RBPMS: variants seen among roughly 807,000 people sequenced by gnomAD.
RBPMS encodes the protein RNA-binding protein with multiple splicing.
In RBPMS, 7 loss-of-function variants were observed where a neutral mutation model predicts 26.8. The observed-to-expected ratio is 0.26, with a 90% CI of 0.15 to 0.49. The LOEUF (loss-of-function observed/expected upper bound fraction) is 0.49. Among genes scored for constraint, RBPMS ranks in the 20% least tolerant of loss-of-function variants. RBPMS has a pLI of 0.98. For synonymous variants in RBPMS, 96 were observed against 93.3 expected (o/e 1.03, Z -0.17); for missense variants, 186 against 250.0 (o/e 0.74, Z 1.73).
chr8:30,495,750 G>T (rs1257796547), intron 4 of RBPMS, among the ~76,000 whole-genome samples: 1 of 152,198 alleles, frequency 6.6e-6, no homozygotes, highest in African/African-American at 2.4e-5. Context: ...ATGAAATACG[G>T]TTTACATCTG....
intron 1 of RBPMS, among the ~76,000 whole-genome samples, chr8:30,451,659 C>G (rs1814604359): frequency 6.6e-6 from 1 of 152,068 alleles, no homozygotes; most frequent in Non-Finnish European, 1.5e-5. Context: ...TCCCAGCAGG[C>G]AACAGTCTGT....
At chr8:30,518,715 T>TTTTTTTTTTTTC (rs1554533805) in intron 5 of RBPMS, among the ~76,000 whole-genome samples, 28 of 129,970 alleles carry the variant, frequency 2.2e-4, no homozygotes, top group African/African-American at 8.4e-4. Flanking sequence ...TTTTTTTTTT[T>TTTTTTTTTTTTC]CTGAAAAGGA....
At chr8:30,439,901 C>T (rs1812882198) in intron 1 of RBPMS, among the ~76,000 whole-genome samples, 1 of 152,066 alleles carries the variant, frequency 6.6e-6, no homozygotes, top group South Asian at 2.1e-4. Context: ...AAATTAAAGC[C>T]AGGTGCAGTG....
At chr8:30,477,952 A>C (rs1348328405) in intron 3 of RBPMS, 115 bp downstream of exon 3, 1 of 719,240 alleles carries the variant, frequency 1.4e-6, no homozygotes, top group East Asian at 2.6e-5. Context: ...TTTTGTCTTT[A>C]AAATTAAAAG....
intron 8 of RBPMS, among the ~76,000 whole-genome samples, chr8:30,568,682 C>G (rs1828061317): frequency 6.6e-6 from 1 of 152,174 alleles, no homozygotes. Flanking sequence ...TTATGCGTTC[C>G]CAACCCTGAC....
At chr8:30,526,088 T>TTGTA (rs1422349684) in intron 5 of RBPMS, among the ~76,000 whole-genome samples, 2 of 152,212 alleles carry the variant, frequency 1.3e-5, no homozygotes, top group African/African-American at 4.8e-5. Context: ...ACTTCCTACT[T>TTGTA]TGTAGAGTCC....
Position 30,454,217 on chromosome 8 carries a change from A to G in RBPMS, c.67-20562A>G, listed in dbSNP as rs577243259. On this transcript the variant is annotated intron_variant, in intron 1 of 8. Transcript: ENST00000397323. ...AGTGTGTATAGCTAAATACTGCATG[A>G]TATTGTTTGTCCATAATGTAAGCAT... is the stretch of plus-strand genomic sequence containing the variant. Among the ~76,000 whole-genome samples the G allele has an allele frequency of 2.8e-4, 43 of 152,316 alleles. No homozygotes were observed. In the South Asian group the frequency reaches 8.9e-3, roughly 32 times the overall value.
intron 1 of RBPMS, among the ~76,000 whole-genome samples, chr8:30,427,397 C>T (rs1811473589): frequency 6.6e-6 from 1 of 152,230 alleles, no homozygotes; most frequent in South Asian, 2.1e-4. Context: ...CCTACTGCCA[C>T]ACTGAATTCC....
intron 5 of RBPMS, among the ~76,000 whole-genome samples, chr8:30,534,506 A>G (rs1330526876): frequency 6.6e-6 from 1 of 152,232 alleles, no homozygotes; most frequent in African/African-American, 2.4e-5. Context: ...GATCAAGGGC[A>G]AGTAGCCCAC....
chr8:30,558,746 T>A, intron 6 of RBPMS, 141 bp from the exon 7 acceptor site: 1 of 740,396 alleles, frequency 1.4e-6, no homozygotes, highest in Non-Finnish European at 2.4e-6. Flanking sequence ...TTTCAGCCCC[T>A]TGGGGAAGAG....
chr8:30,568,573 A>G (rs957199378), intron 8 of RBPMS, among the ~76,000 whole-genome samples: 1 of 152,170 alleles, frequency 6.6e-6, no homozygotes, highest in Non-Finnish European at 1.5e-5. Context: ...ACCTGAGATA[A>G]GGAGATTTGT....
Position 30,456,541 on chromosome 8 carries a change from T to C in RBPMS, c.67-18238T>C, listed in dbSNP as rs1815239820. ...GTTATATTGTAGTTTAACATACATA[T>C]ACAGTCTTTTAAGATTTCTGATGAG... On this transcript the variant is annotated intron_variant, in intron 1 of 8. Coordinates refer to ENST00000397323, the MANE Select transcript of RBPMS (RefSeq NM_001008710.3). Among the ~76,000 whole-genome samples, 12 of 152,212 alleles carry C rather than the reference T, an allele frequency of 7.9e-5. No homozygotes were observed. The South Asian group carries it at 2.5e-3, about 32-fold the overall frequency.
chr8:30,428,196 G>T (rs1306295478), intron 1 of RBPMS, among the ~76,000 whole-genome samples: 2 of 151,800 alleles, frequency 1.3e-5, no homozygotes, highest in Non-Finnish European at 2.9e-5. Flanking sequence ...GCTAATTTTT[G>T]TATTTTTAGT....
Position 30,551,184 on chromosome 8 carries a change from G to A in RBPMS, c.528+6560G>A, listed in dbSNP as rs561589847. ...CCACCTCTTCCGTCATTTGCAGTGAGAGAGACATCAGCATTTTGTCCTTCA... is the reference window on the plus strand; with the variant it reads ...CCACCTCTTCCGTCATTTGCAGTGAAAGAGACATCAGCATTTTGTCCTTCA... On this transcript the variant is annotated intron_variant, in intron 6 of 8. Coordinates refer to ENST00000397323, the MANE Select transcript of RBPMS (RefSeq NM_001008710.3). Among the ~76,000 whole-genome samples the A allele has an allele frequency of 9.9e-3, 909 of 91,628 alleles. 14 individuals carry two copies. Among genetic ancestry groups the A allele is most frequent in the African/African-American group, 0.026 (860 of 32,782 alleles). The allele number at this position is 91,628 out of a possible 152,430, so 60.1% of individuals were successfully genotyped here.
chr8:30,506,094 G>A (rs557941966), intron 5 of RBPMS, among the ~76,000 whole-genome samples: 4 of 152,192 alleles, frequency 2.6e-5, no homozygotes, highest in African/African-American at 7.2e-5. Flanking sequence ...TGTGAAATAG[G>A]TAGCCAGGAA....
At chr8:30,561,211 A>G (rs896051518) in intron 7 of RBPMS, among the ~76,000 whole-genome samples, 4 of 152,202 alleles carry the variant, frequency 2.6e-5, no homozygotes, top group African/African-American at 9.7e-5. Flanking sequence ...ATAAGACTAT[A>G]TCTGAGATAT....
chr8:30,418,291 A>G (rs1167764092), intron 1 of RBPMS, among the ~76,000 whole-genome samples: 1 of 152,138 alleles, frequency 6.6e-6, no homozygotes, highest in Non-Finnish European at 1.5e-5. Context: ...TATGTTGCTC[A>G]GGCTAGCTTC....
intron 5 of RBPMS, among the ~76,000 whole-genome samples, chr8:30,505,916 T>A (rs868634587): frequency 6.6e-6 from 1 of 152,164 alleles, no homozygotes; most frequent in South Asian, 2.1e-4. Context: ...AAGTAATTCT[T>A]TGCCTTTTTA....
chr8:30,466,474 C>T (rs556779403), intron 1 of RBPMS, among the ~76,000 whole-genome samples: 6 of 152,164 alleles, frequency 3.9e-5, no homozygotes, highest in Non-Finnish European at 5.9e-5. Context: ...TGAGCCCAGG[C>T]GTTCTAGGCT....
Sources: gnomAD v4.1 joint callset for allele counts (sites outside exome capture counted in the v4.1 genomes callset) on GRCh38, gnomAD v4.1.1 for gene constraint, MANE v1.5 for transcripts, NCBI Gene and HGNC (gene_info 2026-07-23, HGNC 2026-07-21) for gene names.